HTRA3: variants seen among roughly 807,000 people sequenced by gnomAD.
The protein encoded by HTRA3 is serine protease HTRA3.
A neutral mutation model predicts 43.2 loss-of-function variants in HTRA3; 41 were observed. The observed-to-expected ratio is 0.95, with a 90% CI of 0.74 to 1.23. The LOEUF (loss-of-function observed/expected upper bound fraction) is 1.23. Ranked by LOEUF, HTRA3 falls within the 50% of genes most tolerant of loss-of-function variation. HTRA3 has a pLI of 0.00. For missense variants in HTRA3, 628 were observed against 647.1 expected (o/e 0.97, Z 0.32); for synonymous variants, 295 against 287.9 (o/e 1.02, Z -0.25).
intron 6 of HTRA3, among the ~76,000 whole-genome samples, chr4:8,299,076 A>C (rs1176425021): frequency 6.6e-6 from 1 of 152,316 alleles, no homozygotes; most frequent in Admixed American, 6.5e-5. Flanking sequence ...AATTTGGGGA[A>C]ATTTGGCATT....
chr4:8,289,366 G>C (rs888595289), intron 3 of HTRA3, among the ~76,000 whole-genome samples: 1 of 152,236 alleles, frequency 6.6e-6, no homozygotes, highest in African/African-American at 2.4e-5. Context: ...GCACAGGTGG[G>C]TGTGGCTGCG....
intron 1 of HTRA3, among the ~76,000 whole-genome samples, chr4:8,280,746 C>T (rs567467036): frequency 6.6e-6 from 1 of 152,314 alleles, no homozygotes; most frequent in African/African-American, 2.4e-5. Context: ...CCGGCGTCTC[C>T]CAGCCAGGCT....
intron 6 of HTRA3, 58 bp downstream of exon 6, chr4:8,294,259 C>T (rs1713359643): frequency 2.4e-6 from 3 of 1,243,808 alleles, no homozygotes; most frequent in African/African-American, 3.0e-5. Flanking sequence ...GGGCTACAGC[C>T]CCTTAACACC....
At chr4:8,270,958 G>A (rs1052638461) in intron 1 of HTRA3, among the ~76,000 whole-genome samples, 2 of 152,224 alleles carry the variant, frequency 1.3e-5, no homozygotes, top group African/African-American at 4.8e-5. Context: ...TCTGTACGTG[G>A]AGGAAAATGC....
chr4:8,270,551 A>T (rs749369055), intron 1 of HTRA3, among the ~76,000 whole-genome samples, 198 bp downstream of exon 1: 16 of 152,232 alleles, frequency 1.1e-4, no homozygotes, highest in Non-Finnish European at 4.4e-5. Context: ...CCAAGGTCAC[A>T]GAATTAGAGT....
At chr4:8,304,019 A>C (rs1323246900) in intron 7 of HTRA3, among the ~76,000 whole-genome samples, 165 bp from the exon 8 acceptor site, 1 of 152,198 alleles carries the variant, frequency 6.6e-6, no homozygotes, top group African/African-American at 2.4e-5. Flanking sequence ...CTTAAGAAGC[A>C]CATCTGGTAG....
At position 8,296,060 on chromosome 4, in the gene HTRA3, G is replaced by A. The variant is rs1713442731; in HGVS notation, c.1051+1859G>A. ...TTTCCCTAATGACCGAGTCTTTCCTGTTGAATTATCCCATTCTCCATGGGT... is the reference window on the plus strand; with the variant it reads ...TTTCCCTAATGACCGAGTCTTTCCTATTGAATTATCCCATTCTCCATGGGT... On this transcript the variant is annotated intron_variant, in intron 6 of 8. Transcript: ENST00000307358. This position sits in a 1 kb window ranked among gnomAD's most constrained non-coding sequence, Gnocchi z 5.3. The A allele has an allele frequency of 1.8e-6, 2 of 1,088,064 alleles. No individual in the cohort carries two copies. The highest frequency in any genetic ancestry group is 1.1e-6 in the Non-Finnish European group (1 of 896,558). The allele number at this position is 1,088,064 out of a possible 1,614,324, so 67.4% of individuals were successfully genotyped here. A position where few individuals can be genotyped will look rare whatever the true frequency, so the allele number is the denominator to read the frequency against.
chr4:8,293,085 G>C (rs1057423991), intron 5 of HTRA3, among the ~76,000 whole-genome samples: 6 of 152,196 alleles, frequency 3.9e-5, no homozygotes, highest in African/African-American at 1.4e-4. Flanking sequence ...AGAGGCTTAG[G>C]GAGGGGGAGG....
Position 8,291,640 on chromosome 4 carries a change from C to T in HTRA3, c.903+76C>T, listed in dbSNP as rs541092000. The stretch of plus-strand genomic sequence containing the variant: ...CTCAACCTCGAGGTGGTCTCTGACT[C>T]GGCTTGCCCCCCTCCCCAGAGCCAT... On this transcript the variant is annotated intron_variant, in intron 4 of 8. Coordinates refer to ENST00000307358, the MANE Select transcript of HTRA3 (RefSeq NM_053044.5). 3.4e-4 allele frequency: 382 copies of T among 1,133,134 alleles called. No individual in the cohort carries two copies. In the Middle Eastern group the frequency reaches 5.7e-3, roughly 17 times the overall value. 70.2% of individuals were successfully genotyped at this position (1,133,134 alleles called of 1,614,324 possible). A position where few individuals can be genotyped will look rare whatever the true frequency, so the allele number is the denominator to read the frequency against.
chr4:8,284,091 G>T (rs540348768), intron 2 of HTRA3, among the ~76,000 whole-genome samples: 1 of 152,136 alleles, frequency 6.6e-6, no homozygotes, highest in Non-Finnish European at 1.5e-5. Flanking sequence ...TGGGCTGTGG[G>T]CTGTGTAGCC....
chr4:8,302,044 G>A (rs1260868923), intron 6 of HTRA3, among the ~76,000 whole-genome samples: 1 of 152,150 alleles, frequency 6.6e-6, no homozygotes, highest in Non-Finnish European at 1.5e-5. Flanking sequence ...GACATTAGCA[G>A]CGAGTATCGT....
chr4:8,282,289 C>T lies in HTRA3; in HGVS notation c.386-148C>T, dbSNP rs1578793273. The stretch of plus-strand genomic sequence containing the variant: ...GCACTGCTGTGTGGTAGGGGGTCCC[C>T]AACGGGCTCAGTGTGGGCTGAGGCT... On this transcript the variant is annotated intron_variant, in intron 1 of 8. Coordinates refer to ENST00000307358, the MANE Select transcript of HTRA3 (RefSeq NM_053044.5). The T allele has an allele frequency of 3.2e-5, 21 of 653,198 alleles. No individual in the cohort carries two copies. In the East Asian group the frequency reaches 5.5e-4, roughly 17 times the overall value. 40.5% of individuals were successfully genotyped at this position (653,198 alleles called of 1,614,324 possible).
In HTRA3 at chr4:8,279,281, A is replaced by C. The variant is rs1196811614; in HGVS notation, c.386-3156A>C. On this transcript the variant is annotated intron_variant, in intron 1 of 8. Coordinates refer to ENST00000307358, the MANE Select transcript of HTRA3 (RefSeq NM_053044.5). This position sits in a 1 kb window ranked among gnomAD's most constrained non-coding sequence, Gnocchi z 7.4. The stretch of plus-strand genomic sequence containing the variant: ...GTCACTGTAACTTTACCCCAACCAC[A>C]AATAACCACCATGTAGTAGAATTTT... 6.6e-6 allele frequency among the ~76,000 whole-genome samples: 1 copy of C among 152,236 alleles called. No individual in the cohort carries two copies. The highest frequency in any genetic ancestry group is 1.5e-5 in the Non-Finnish European group (1 of 68,050).
chr4:8,277,513 C>A (rs1712576241), intron 1 of HTRA3, among the ~76,000 whole-genome samples: 3 of 152,206 alleles, frequency 2.0e-5, no homozygotes, highest in African/African-American at 2.4e-5. Flanking sequence ...AGGTGGATCA[C>A]CACGCTTGCA....
At chr4:8,298,029 C>T (rs1292083142) in intron 6 of HTRA3, among the ~76,000 whole-genome samples, 2 of 152,208 alleles carry the variant, frequency 1.3e-5, no homozygotes, top group Admixed American at 6.5e-5. Context: ...TGCATCCACC[C>T]CGGGCCTCGT....
intron 1 of HTRA3, among the ~76,000 whole-genome samples, chr4:8,277,111 G>C (rs1712560590): frequency 6.6e-6 from 1 of 152,230 alleles, no homozygotes; most frequent in African/African-American, 2.4e-5. Context: ...CTCTGGGCTT[G>C]AGGGTGGCAG....
chr4:8,296,052 T>A lies in HTRA3; in HGVS notation c.1051+1851T>A. On this transcript the variant is annotated intron_variant, in intron 6 of 8. Coordinates refer to ENST00000307358, the MANE Select transcript of HTRA3 (RefSeq NM_053044.5). The surrounding 1 kb of genome is among the most constrained non-coding windows in gnomAD (Gnocchi z 5.3). The stretch of plus-strand genomic sequence containing the variant: ...CATGCTCCTTTCCCTAATGACCGAG[T>A]CTTTCCTGTTGAATTATCCCATTCT... 9.1e-7 allele frequency: 1 copy of A among 1,099,644 alleles called. No homozygotes were observed. Among genetic ancestry groups the A allele is most frequent in the Non-Finnish European group, 1.1e-6 (1 of 903,920 alleles). 68.1% of individuals were successfully genotyped at this position (1,099,644 alleles called of 1,614,324 possible).
rs922570820 is a variant in HTRA3 at position 8,269,914 on chromosome 4, C to T, written c.-55C>T. On this transcript the variant is annotated 5_prime_UTR_variant, in exon 1 of 9. Transcript: ENST00000307358. The stretch of plus-strand genomic sequence containing the variant: ...CCGGCCCCGCAGCGGCCTCGTTGTC[C>T]CCGCCGGCCCCCGCCCGGTCTCCCG... The T allele has an allele frequency of 6.3e-5, 56 of 892,790 alleles. No homozygotes were observed. Among genetic ancestry groups the T allele is most frequent in the Non-Finnish European group, 7.3e-5 (54 of 740,164 alleles). 55.3% of individuals were successfully genotyped at this position (892,790 alleles called of 1,614,324 possible).
At chr4:8,277,331 G>A (rs981531420) in intron 1 of HTRA3, among the ~76,000 whole-genome samples, 8 of 152,210 alleles carry the variant, frequency 5.3e-5, no homozygotes, top group Non-Finnish European at 1.2e-4. Flanking sequence ...CTGTTGAGGG[G>A]GCCCCTGGAA....
Sources: allele counts gnomAD v4.1 joint callset (sites outside exome capture counted in the v4.1 genomes callset), GRCh38; gene constraint gnomAD v4.1.1; non-coding constraint Gnocchi (gnomAD v3.1); transcripts MANE v1.5; gene names NCBI Gene and HGNC (gene_info 2026-07-23, HGNC 2026-07-21).